JAK1: variants seen among roughly 807,000 people sequenced by gnomAD.
The protein encoded by JAK1 is tyrosine-protein kinase JAK1.
JAK1 carries 16 observed loss-of-function variants against 136.6 expected under a neutral mutation model. The ratio of observed to expected loss-of-function variants is 0.12; its 90% CI spans 0.08 to 0.18. The LOEUF (loss-of-function observed/expected upper bound fraction) is 0.18, where lower values mean the gene tolerates loss of function less well. Ranked by LOEUF, JAK1 falls within the 10% of genes least tolerant of loss-of-function variation. The pLI is 1.00. For synonymous variants in JAK1, 492 were observed against 519.5 expected (o/e 0.95, Z 0.72); for missense variants, 859 against 1,450.1 (o/e 0.59, Z 6.62).
chr1:64,925,777 A>G (rs77356873), intron 1 of JAK1, among the ~76,000 whole-genome samples: 2,708 of 152,294 alleles, frequency 0.018, 76 homozygotes, highest in African/African-American at 0.061. Context: ...CCTACTTTAC[A>G]GGGAACTAAA....
intron 1 of JAK1, among the ~76,000 whole-genome samples, chr1:64,922,815 C>T (rs1422411208): frequency 2.6e-5 from 4 of 152,152 alleles, no homozygotes; most frequent in African/African-American, 9.7e-5. Flanking sequence ...GTGGCTTTGA[C>T]ATCAGTCAAA....
chr1:64,905,300 G>A (rs980325492), intron 1 of JAK1, among the ~76,000 whole-genome samples: 1 of 152,152 alleles, frequency 6.6e-6, no homozygotes, highest in Non-Finnish European at 1.5e-5. Flanking sequence ...AACAGCTTAC[G>A]AAAACCTGGG....
chr1:64,993,813 T>C (rs1007805453), intron 2 of JAK1, among the ~76,000 whole-genome samples: 3 of 152,054 alleles, frequency 2.0e-5, no homozygotes, highest in Non-Finnish European at 4.4e-5. Flanking sequence ...GCCCGGCTAA[T>C]TTTTGTATTT....
At chr1:64,968,068 C>A, upstream of JAK1, among the ~76,000 whole-genome samples, 1 of 151,904 alleles carries the variant, frequency 6.6e-6, no homozygotes. Flanking sequence ...TTGAGCTGGA[C>A]CATAAAGAAC....
Position 64,844,671 on chromosome 1 carries a change from A to G in JAK1, c.2251+83T>C. 6.5e-7 allele frequency: 1 copy of G among 1,537,606 alleles called. No homozygotes were observed. The highest frequency in any genetic ancestry group is 8.9e-7 in the Non-Finnish European group (1 of 1,119,684). ...AAAAAAAAAATGACTCTCTAAAAGG[A>G]GACCAACCCCAGCCCAGCCCTTCTC... On this transcript the variant is annotated intron_variant, in intron 16 of 24. Transcript: ENST00000342505. This position sits in a 1 kb window ranked among gnomAD's most constrained non-coding sequence, Gnocchi z 5.7.
chr1:64,833,991 T>TAAG lies in JAK1; in HGVS notation c.*568_*570dup, dbSNP rs1420108581. ...GCTAAGCCACTGGAGAAACAAAGTT[T>TAAG]AAGTCCTACTGGTGAGAGAATACAG... On this transcript the variant is annotated 3_prime_UTR_variant, in exon 25 of 25. Coordinates refer to ENST00000342505, the MANE Select transcript of JAK1 (RefSeq NM_002227.4). The TAAG allele has an allele frequency of 1.7e-5, 4 of 229,586 alleles. No homozygotes were observed. The East Asian group carries it at 2.4e-4, about 14-fold the overall frequency. 14.2% of individuals were successfully genotyped at this position (229,586 alleles called of 1,614,324 possible). A position where few individuals can be genotyped will look rare whatever the true frequency, so the allele number is the denominator to read the frequency against.
At position 64,844,361 on chromosome 1, in the gene JAK1, T is replaced by TGG; in HGVS notation, c.2252-147_2252-146insCC. On this transcript the variant is annotated intron_variant, in intron 16 of 24. Coordinates refer to ENST00000342505, the MANE Select transcript of JAK1 (RefSeq NM_002227.4). This position sits in a 1 kb window ranked among gnomAD's most constrained non-coding sequence, Gnocchi z 5.7. ...ATGGCCCATGGCCACATAGGCCCTG[T>TGG]GCGGGGGGCCTGCAGGCGTGCAGCC... 1 of 1,056,056 alleles carries TGG rather than the reference T, an allele frequency of 9.5e-7. No homozygotes were observed. Among genetic ancestry groups the TGG allele is most frequent in the Non-Finnish European group, 1.4e-6 (1 of 707,980 alleles). 65.4% of individuals were successfully genotyped at this position (1,056,056 alleles called of 1,614,324 possible).
intron 1 of JAK1, among the ~76,000 whole-genome samples, chr1:65,063,948 A>G (rs544976508): frequency 1.1e-4 from 17 of 152,304 alleles, no homozygotes; most frequent in African/African-American, 3.1e-4. Context: ...CCACACTAAT[A>G]AACAGGTGGA....
intron 8 of JAK1, among the ~76,000 whole-genome samples, chr1:64,861,855 A>ACC (rs1432141296): frequency 6.6e-6 from 1 of 152,186 alleles, no homozygotes; most frequent in Admixed American, 6.5e-5. Flanking sequence ...GTGACCAGGC[A>ACC]CCCACCTGCG....
At chr1:64,896,802 G>C (rs1026813840) in intron 1 of JAK1, among the ~76,000 whole-genome samples, 3 of 152,168 alleles carry the variant, frequency 2.0e-5, no homozygotes, top group African/African-American at 7.2e-5. Context: ...GAGTTTGATC[G>C]GATCCAGAGG....
Position 64,857,830 on chromosome 1 carries a change from T to C in JAK1, c.1335-51A>G, listed in dbSNP as rs772300037. 1.4e-5 allele frequency: 23 copies of C among 1,607,474 alleles called. No homozygotes were observed. The South Asian group carries it at 2.6e-4, about 18-fold the overall frequency. ...GAAAGAGCTCACACCAAACAGGACT[T>C]TGAACCTCTGGGCTATCCACTCTCC... On this transcript the variant is annotated intron_variant, in intron 9 of 24. Transcript: ENST00000342505.
At chr1:65,066,259 A>G in intron 1 of JAK1, among the ~76,000 whole-genome samples, 1 of 152,130 alleles carries the variant, frequency 6.6e-6, no homozygotes, top group Non-Finnish European at 1.5e-5. Flanking sequence ...TGCGGCCAGG[A>G]GCCGGCGTCT....
At chr1:64,943,297 G>A (rs1645923227) in intron 1 of JAK1, among the ~76,000 whole-genome samples, 1 of 152,126 alleles carries the variant, frequency 6.6e-6, no homozygotes, top group Non-Finnish European at 1.5e-5. Flanking sequence ...TGAATCCCCA[G>A]AAGAAACCAA....
chr1:65,052,897 G>A (rs1049617953), intron 1 of JAK1, among the ~76,000 whole-genome samples: 4 of 150,654 alleles, frequency 2.7e-5, no homozygotes, highest in Non-Finnish European at 4.4e-5. Context: ...CAAGCATGGC[G>A]GCGCATGCCT....
At chr1:64,847,013 T>G in intron 13 of JAK1, 3 of 522,012 alleles carry the variant, frequency 5.7e-6, no homozygotes. Context: ...TCCCACTGGA[T>G]ACTCATGCCC....
intron 1 of JAK1, among the ~76,000 whole-genome samples, chr1:64,936,591 G>A (rs1186884512): frequency 6.6e-6 from 1 of 152,136 alleles, no homozygotes; most frequent in African/African-American, 2.4e-5. Flanking sequence ...GAGAGGTGAG[G>A]CCAAACACAA....
chr1:64,873,286 G>C, intron 5 of JAK1, 84 bp downstream of exon 5: 3 of 1,531,682 alleles, frequency 2.0e-6, no homozygotes, highest in Non-Finnish European at 2.7e-6. Context: ...GCACCACCAA[G>C]TTCAGCTGCA....
At chr1:64,970,609 CA>C (rs538412597), upstream of JAK1, among the ~76,000 whole-genome samples, 395 of 151,626 alleles carry the variant, frequency 2.6e-3, 3 homozygotes, top group African/African-American at 9.3e-3. Flanking sequence ...CAAAAAAATA[CA>C]AAAATTAGCC....
chr1:64,902,135 G>A (rs1570738411), intron 1 of JAK1, among the ~76,000 whole-genome samples: 1 of 152,118 alleles, frequency 6.6e-6, no homozygotes, highest in African/African-American at 2.4e-5. Context: ...TGAGGTCAAT[G>A]GAGTCTTCAC....
Sources: gnomAD v4.1 joint callset for allele counts (sites outside exome capture counted in the v4.1 genomes callset) on GRCh38, gnomAD v4.1.1 for gene constraint, Gnocchi (gnomAD v3.1) non-coding constraint, MANE v1.5 for transcripts, NCBI Gene and HGNC (gene_info 2026-07-23, HGNC 2026-07-21) for gene names.